The following RPGRIP1 variants were observed in gnomAD, a reference collection of about 807,000 sequenced individuals.
RPGRIP1 encodes the protein RPGR interacting protein 1, also known as X-linked retinitis pigmentosa GTPase regulator-interacting protein 1.
RPGRIP1 carries 128 observed loss-of-function variants against 157.9 expected under a neutral mutation model. That is an observed-to-expected ratio of 0.81 (90% confidence interval 0.70 to 0.94). The LOEUF (loss-of-function observed/expected upper bound fraction) is 0.94. RPGRIP1 is among the 40% of genes least tolerant of loss of function. The pLI is 0.00. For synonymous variants in RPGRIP1, 554 were observed against 571.6 expected (o/e 0.97, Z 0.44); for missense variants, 1,486 against 1,545.8 (o/e 0.96, Z 0.65).
intron 2 of RPGRIP1, 131 bp downstream of exon 2, chr14:21,288,192 T>C (rs866097330): frequency 3.0e-6 from 2 of 664,036 alleles, no homozygotes; most frequent in South Asian, 3.7e-5. Context: ...TTTTTTTTTT[T>C]TTTTTTGAGA....
intron 12 of RPGRIP1, among the ~76,000 whole-genome samples, chr14:21,320,502 A>G (rs1882309558): frequency 6.6e-6 from 1 of 151,570 alleles, no homozygotes; most frequent in African/African-American, 2.4e-5. Flanking sequence ...CGTGTTAGCC[A>G]GGATGGTCTC....
chr14:21,347,005 T>C (rs966943747), intron 23 of RPGRIP1, among the ~76,000 whole-genome samples: 1 of 152,246 alleles, frequency 6.6e-6, no homozygotes, highest in Non-Finnish European at 1.5e-5. Context: ...AGAGAACTTT[T>C]GGACATGGAA....
rs1167881118 is a variant in RPGRIP1 at position 21,324,676 on chromosome 14, G to A, written c.1821G>A (p.Leu607=). 6.2e-7 allele frequency: 1 copy of A among 1,613,986 alleles called. No homozygotes were observed. The highest frequency in any genetic ancestry group is 8.5e-7 in the Non-Finnish European group (1 of 1,179,902). ...TRPLSLCLET[L]PAHGDEDKVD... is the part of the protein sequence containing the mutation. ...CGTTGTCGTTATGTTTGGAAACACT[G>A]CCAGCCCATGGAGATGAGGATAAAG... The change falls in exon 15 of 25, where the codon CTG becomes CTA. Residue 607 remains leucine, a synonymous_variant. Coordinates refer to ENST00000400017, the MANE Select transcript of RPGRIP1 (RefSeq NM_020366.4).
At chr14:21,326,764 A>G (rs143692387) in intron 17 of RPGRIP1, among the ~76,000 whole-genome samples, 10 of 152,320 alleles carry the variant, frequency 6.6e-5, no homozygotes, top group African/African-American at 2.4e-4. Flanking sequence ...ATATCTGATT[A>G]TAAACTGAGA....
chr14:21,294,622 G>T, intron 2 of RPGRIP1, 55 bp from the exon 3 acceptor site: 1 of 1,572,584 alleles, frequency 6.4e-7, no homozygotes, highest in Non-Finnish European at 8.7e-7. Flanking sequence ...ACATCTAAAG[G>T]GTTCAAAAAA....
chr14:21,351,076 G>A (rs952117341), intron 24 of RPGRIP1, 28 bp from the exon 25 acceptor site: 10 of 1,305,746 alleles, frequency 7.7e-6, no homozygotes, highest in Non-Finnish European at 8.8e-6. Context: ...TCAACTGAGT[G>A]ATGCTGTTTT....
chr14:21,343,866 GTTTTTTTTTTTTTTTTTTTTTTTTTTTT>G (rs67535379), intron 22 of RPGRIP1, among the ~76,000 whole-genome samples: 6 of 50,422 alleles, frequency 1.2e-4, no homozygotes, highest in African/African-American at 2.3e-4. Flanking sequence ...CTCTTTTCCT[GTTTTTTTTTTTTTTTTTTTTTTTTTTTT>G]TTTTTTTTTT....
intron 23 of RPGRIP1, among the ~76,000 whole-genome samples, chr14:21,345,512 T>C (rs1270427929): frequency 6.6e-6 from 1 of 151,064 alleles, no homozygotes; most frequent in Non-Finnish European, 1.5e-5. Flanking sequence ...AAGGGATTCT[T>C]GTGCCTCTGC....
chr14:21,350,038 A>G (rs1239349248), intron 24 of RPGRIP1, among the ~76,000 whole-genome samples: 1 of 152,186 alleles, frequency 6.6e-6, no homozygotes, highest in Non-Finnish European at 1.5e-5. Context: ...TTAGTAAATC[A>G]CAAGGAAATT....
chr14:21,326,036 C>G lies in RPGRIP1; in HGVS notation c.2573C>G (p.Thr858Ser), dbSNP rs1883063568. The G allele has an allele frequency of 1.2e-6, 2 of 1,613,858 alleles. No individual in the cohort carries two copies. Among genetic ancestry groups the G allele is most frequent in the South Asian group, 2.2e-5 (2 of 91,084 alleles). ...CAGGCTCGATTCCCAGTGCTTGTGA[C>G]CTCTGACCTGGACCATTATCTGAGA... The part of the protein sequence containing the change: ...RDQARFPVLV[T>S]SDLDHYLRRE... The change falls in exon 17 of 25, where the codon ACC (threonine) becomes AGC (serine). Residue 858 changes from threonine (T) to serine (S), a missense_variant. By Grantham distance (58) the Thr-to-Ser change is moderately conservative. Coordinates refer to ENST00000400017, the MANE Select transcript of RPGRIP1 (RefSeq NM_020366.4).
chr14:21,287,224 C>G (rs528296669), intron 1 of RPGRIP1, among the ~76,000 whole-genome samples: 5 of 152,222 alleles, frequency 3.3e-5, no homozygotes, highest in Admixed American at 3.3e-4. Context: ...ATGGCAAAAC[C>G]CTATCTCTAC....
Position 21,330,249 on chromosome 14 carries a change from C to G in RPGRIP1, c.3100C>G (p.Gln1034Glu). The change falls in exon 20 of 25, where the codon CAG (glutamine) becomes GAG (glutamate). Residue 1034 changes from glutamine (Q) to glutamate (E), a missense_variant and splice_region_variant. Physicochemically the swap from Gln to Glu is conservative, Grantham distance 29. Coordinates refer to ENST00000400017, the MANE Select transcript of RPGRIP1 (RefSeq NM_020366.4). ...LNILNGNTPE[Q>E]VNYTEWKFSE... The stretch of plus-strand genomic sequence containing the variant: ...TAGTATTGTTGTTCTTATTCTGAAG[C>G]AGGTGAATTACACTGAGTGGAAGTT... 1 of 1,546,644 alleles carries G rather than the reference C, an allele frequency of 6.5e-7. No homozygotes were observed. Among genetic ancestry groups the G allele is most frequent in the Non-Finnish European group, 8.7e-7 (1 of 1,154,504 alleles).
At chr14:21,310,851 T>C in intron 8 of RPGRIP1, 1 of 675,584 alleles carries the variant, frequency 1.5e-6, no homozygotes, top group Non-Finnish European at 2.8e-6. Flanking sequence ...GCATGGTATT[T>C]TTAAGCCTAT....
chr14:21,320,311 A>G (rs1419278706), intron 12 of RPGRIP1, 134 bp downstream of exon 12: 1 of 828,478 alleles, frequency 1.2e-6, no homozygotes, highest in African/African-American at 1.8e-5. Flanking sequence ...TTTTTTTTTG[A>G]GACAGAGTCT....
chr14:21,317,243 G>A lies in RPGRIP1; in HGVS notation c.1152-453G>A, dbSNP rs534289822. Reference sequence around the variant, plus strand: ...ACAGTTGTTGAAAAGTTTAATTCCCGCCCTTCAGCATAGTAATTTATAATC... The same window carrying A: ...ACAGTTGTTGAAAAGTTTAATTCCCACCCTTCAGCATAGTAATTTATAATC... On this transcript the variant is annotated intron_variant, in intron 10 of 24. Transcript: ENST00000400017. Among the ~76,000 whole-genome samples, 15 of 152,224 alleles carry A rather than the reference G, an allele frequency of 9.9e-5. No homozygotes were observed. The East Asian group carries it at 1.4e-3, about 14-fold the overall frequency.
Position 21,325,040 on chromosome 14 carries a change from G to A in RPGRIP1, c.2185G>A (p.Glu729Lys), listed in dbSNP as rs1882920584. The A allele has an allele frequency of 6.2e-7, 1 of 1,612,480 alleles. No individual in the cohort carries two copies. The highest frequency in any genetic ancestry group is 8.5e-7 in the Non-Finnish European group (1 of 1,178,732). Residue 729 changes from glutamate (E) to lysine (K), a missense_variant, in exon 15 of 25, where the codon GAG becomes AAG. By Grantham distance (56) the Glu-to-Lys change is moderately conservative. Transcript: ENST00000400017. ...ICFDRVLETV[E>K]KVHGLATLIG... ...CTTTGACAGGGTGCTAGAGACTGTG[G>A]AGAAAGTCCATGGCTTGGCCACACT...
In RPGRIP1 at chr14:21,281,655, C is replaced by T. The variant is rs568963883; in HGVS notation, c.-39+1496C>T. 1.4e-3 allele frequency among the ~76,000 whole-genome samples: 208 copies of T among 148,842 alleles called. 2 individuals are homozygous for T. Among genetic ancestry groups the T allele is most frequent in the African/African-American group, 4.6e-3 (184 of 40,124 alleles). On this transcript the variant is annotated intron_variant, in intron 1 of 24. Transcript: ENST00000400017. ...AGTGAGGCGAGAGCATACCGCTGTACTCCAGCCTGGGCAACAGAGTGAGAC... is the reference window on the plus strand; with the variant it reads ...AGTGAGGCGAGAGCATACCGCTGTATTCCAGCCTGGGCAACAGAGTGAGAC...
At chr14:21,300,177 T>G (rs1435718642) in intron 3 of RPGRIP1, among the ~76,000 whole-genome samples, 1 of 152,064 alleles carries the variant, frequency 6.6e-6, no homozygotes. Flanking sequence ...TGGTGGCGCA[T>G]GCCTGTAATC....
rs999316263 is a variant in RPGRIP1, at chr14:21,321,772, T to C, written c.1612-82T>C. On this transcript the variant is annotated intron_variant, in intron 13 of 24. Coordinates refer to ENST00000400017, the MANE Select transcript of RPGRIP1 (RefSeq NM_020366.4). Reference sequence around the variant, plus strand: ...GCCCAGCTAAGGATAGCAGTCTTCTTGACCTAGCCAGTGCCACATTTTTTA... The same window carrying C: ...GCCCAGCTAAGGATAGCAGTCTTCTCGACCTAGCCAGTGCCACATTTTTTA... The C allele has an allele frequency of 1.4e-5, 19 of 1,379,370 alleles. No homozygotes were observed. In the African/African-American group the frequency reaches 2.7e-4, roughly 20 times the overall value. The allele number at this position is 1,379,370 out of a possible 1,614,324, so 85.4% of individuals were successfully genotyped here.
Sources: gnomAD v4.1 joint callset for allele counts (sites outside exome capture counted in the v4.1 genomes callset) on GRCh38, gnomAD v4.1.1 for gene constraint, MANE v1.5 for transcripts, NCBI Gene and HGNC (gene_info 2026-07-23, HGNC 2026-07-21) for gene names.